ALMS1: variants seen among roughly 807,000 people sequenced by gnomAD.
ALMS1 encodes the protein ALMS1 centrosome and basal body associated protein, also known as centrosome-associated protein ALMS1.
In ALMS1, 271 loss-of-function variants were observed where a neutral mutation model predicts 352.2. That is an observed-to-expected ratio of 0.77 (90% CI 0.70 to 0.85). The LOEUF is 0.85. Among genes scored for constraint, ALMS1 ranks in the 40% least tolerant of loss-of-function variants. ALMS1 has a pLI of 0.00. For missense variants in ALMS1, 5,445 were observed against 4,870.7 expected, an observed-to-expected ratio of 1.12 and a Z score of -3.51; for synonymous variants, 1,865 against 1,761.2, an observed-to-expected ratio of 1.06 and a Z score of -1.48.
At chr2:73,512,298 T>A (rs1673468901) in intron 10 of ALMS1, among the ~76,000 whole-genome samples, 1 of 152,230 alleles carries the variant, frequency 6.6e-6, no homozygotes. Context: ...TTGGTGAGGC[T>A]GGTCTTGAAC....
intron 2 of ALMS1, among the ~76,000 whole-genome samples, chr2:73,414,473 G>GTTTTTTTTTTTTTTTTTTTTT (rs61660489): frequency 1.5e-5 from 1 of 66,416 alleles, no homozygotes; most frequent in Non-Finnish European, 3.2e-5. Flanking sequence ...CTTTTTTTCC[G>GTTTTTTTTTTTTTTTTTTTTT]TTTTTTTTTT....
At chr2:73,398,855 T>A (rs1670816096) in intron 1 of ALMS1, among the ~76,000 whole-genome samples, 1 of 152,132 alleles carries the variant, frequency 6.6e-6, no homozygotes, top group African/African-American at 2.4e-5. Flanking sequence ...GGATTTTCTT[T>A]TTTTTTGAGA....
chr2:73,414,131 CAA>C (rs1671132749), intron 2 of ALMS1, among the ~76,000 whole-genome samples: 1 of 152,122 alleles, frequency 6.6e-6, no homozygotes, highest in Non-Finnish European at 1.5e-5. Context: ...GACATCTTAA[CAA>C]TATTGAGTTT....
chr2:73,575,945 A>G (rs1408994200), intron 16 of ALMS1, among the ~76,000 whole-genome samples: 1 of 152,038 alleles, frequency 6.6e-6, no homozygotes, highest in Non-Finnish European at 1.5e-5. Context: ...GAGTTTAATA[A>G]TTTTAGCTTT....
chr2:73,497,749 C>T (rs972631201), intron 10 of ALMS1, among the ~76,000 whole-genome samples: 6 of 152,060 alleles, frequency 3.9e-5, no homozygotes, highest in African/African-American at 7.2e-5. Flanking sequence ...AGTAGTATTC[C>T]GTGGTGTATA....
chr2:73,403,334 G>A (rs968677020), intron 1 of ALMS1, among the ~76,000 whole-genome samples: 6 of 152,052 alleles, frequency 3.9e-5, no homozygotes, highest in Admixed American at 1.3e-4. Flanking sequence ...AAAAATTAGC[G>A]AATCATATAT....
At chr2:73,523,500 C>T (rs530092239) in intron 11 of ALMS1, among the ~76,000 whole-genome samples, 21 of 152,280 alleles carry the variant, frequency 1.4e-4, no homozygotes, top group Admixed American at 7.8e-4. Context: ...GGCGTGGTGG[C>T]TCACACCTAT....
chr2:73,594,057 G>T (rs894435009), intron 16 of ALMS1, among the ~76,000 whole-genome samples: 1 of 152,074 alleles, frequency 6.6e-6, no homozygotes, highest in Admixed American at 6.6e-5. Context: ...AAGTTTTTTT[G>T]AGGGCATATG....
intron 9 of ALMS1, among the ~76,000 whole-genome samples, chr2:73,466,973 C>A (rs1306273595): frequency 6.6e-6 from 1 of 152,082 alleles, no homozygotes; most frequent in Non-Finnish European, 1.5e-5. Flanking sequence ...TCTATAATAA[C>A]CCTGTCCCCT....
intron 9 of ALMS1, chr2:73,458,090 A>G (rs1374454309): frequency 6.7e-6 from 1 of 149,464 alleles, no homozygotes; most frequent in Non-Finnish European, 1.5e-5. Flanking sequence ...TCTCACACCT[A>G]TTTTGAGTAC....
intron 15 of ALMS1, among the ~76,000 whole-genome samples, chr2:73,566,867 T>C (rs1478424423): frequency 6.6e-6 from 1 of 152,224 alleles, no homozygotes; most frequent in African/African-American, 2.4e-5. Flanking sequence ...CTCAGAAAAC[T>C]TAGGGAACAT....
At chr2:73,518,741 G>A (rs186231033) in intron 10 of ALMS1, among the ~76,000 whole-genome samples, 3 of 152,182 alleles carry the variant, frequency 2.0e-5, no homozygotes, top group African/African-American at 7.2e-5. Context: ...CATATGCGTG[G>A]TGGCTGCATA....
intron 2 of ALMS1, among the ~76,000 whole-genome samples, chr2:73,418,410 G>A (rs1671218785): frequency 6.6e-6 from 1 of 152,212 alleles, no homozygotes; most frequent in Admixed American, 6.5e-5. Context: ...TAAAGCTGAA[G>A]TGAATGCTTC....
chr2:73,482,821 C>T (rs1394901619), intron 9 of ALMS1, among the ~76,000 whole-genome samples: 16 of 151,124 alleles, frequency 1.1e-4, no homozygotes, highest in Non-Finnish European at 1.8e-4. Context: ...GTGTATGTGT[C>T]GAGGAATTTA....
At chr2:73,398,529 G>A (rs1167838831) in intron 1 of ALMS1, among the ~76,000 whole-genome samples, 1 of 152,144 alleles carries the variant, frequency 6.6e-6, no homozygotes, top group East Asian at 1.9e-4. Flanking sequence ...AATAGATCAA[G>A]TTGGGAAGAA....
rs376892136 is a variant in ALMS1, at chr2:73,424,620, A to C, written c.955A>C (p.Asn319His). The C allele has an allele frequency of 6.2e-7, 1 of 1,614,026 alleles. No homozygotes were observed. Among genetic ancestry groups the C allele is most frequent in the South Asian group, 1.1e-5 (1 of 91,082 alleles). Residue 319 changes from asparagine (N) to histidine (H), a missense_variant, in exon 5 of 23, where the codon AAT becomes CAT. Physicochemically the swap from Asn to His is moderately conservative, Grantham distance 68. Coordinates refer to ENST00000613296, the MANE Select transcript of ALMS1 (RefSeq NM_001378454.1). ...QCPFLPSEQG[N>H]NEETISSVDE... is the part of the protein sequence containing the mutation. The stretch of plus-strand genomic sequence containing the variant: ...CCCTTTTTTACCTTCTGAACAAGGG[A>C]ATAATGAAGAGACTATTTCGTCTGT...
rs748571359 is a variant in ALMS1 at position 73,386,041 on chromosome 2, C to G, written c.173C>G (p.Ser58Cys). ...GCGGGGCGGGAGTTGGACTCCGACT[C>G]TCACTACGGGCCCCAGCATCTGGAA... is the stretch of plus-strand genomic sequence containing the variant. Reference protein sequence around the residue: ...EEAGRELDSDSHYGPQHLESI... With the variant: ...EEAGRELDSDCHYGPQHLESI... The change falls in exon 1 of 23, where the codon TCT (serine) becomes TGT (cysteine). Residue 58 changes from serine (S) to cysteine (C), a missense_variant. Transcript: ENST00000613296. 8.3e-6 allele frequency: 13 copies of G among 1,571,192 alleles called. No individual in the cohort carries two copies. In the East Asian group the frequency reaches 2.9e-4, roughly 35 times the overall value.
intron 7 of ALMS1, among the ~76,000 whole-genome samples, chr2:73,441,583 C>T (rs1671719838): frequency 6.6e-6 from 1 of 151,872 alleles, no homozygotes; most frequent in East Asian, 1.9e-4. Context: ...CTTCTTTCTG[C>T]CCTCCTTTGT....
At position 73,424,902 on chromosome 2, in the gene ALMS1, A is replaced by G. The variant is rs774100561; in HGVS notation, c.1237A>G (p.Lys413Glu). The part of the protein sequence containing the change: ...SSKQAETYLT[K>E]GLQGKVESDV... ...TAAGCAGGCAGAAACATATTTAACC[A>G]GTAAGTACCCTGATTCTTTTTCAGA... The change falls in exon 5 of 23, where the codon AAG becomes GAG. Residue 413 changes from lysine to glutamate, a missense_variant and splice_region_variant. Physicochemically the swap from Lys to Glu is moderately conservative, Grantham distance 56 (BLOSUM62 1). Coordinates refer to ENST00000613296, the MANE Select transcript of ALMS1 (RefSeq NM_001378454.1). The G allele has an allele frequency of 1.9e-6, 3 of 1,594,046 alleles. No homozygotes were observed. Among genetic ancestry groups the G allele is most frequent in the South Asian group, 2.3e-5 (2 of 88,360 alleles).
Sources: allele counts gnomAD v4.1 joint callset (sites outside exome capture counted in the v4.1 genomes callset), GRCh38; gene constraint gnomAD v4.1.1; transcripts MANE v1.5; gene names NCBI Gene and HGNC (gene_info 2026-07-23, HGNC 2026-07-21).